SGCZ: variants seen among roughly 807,000 people sequenced by gnomAD.
The protein encoded by SGCZ is sarcoglycan zeta.
SGCZ carries 40 observed loss-of-function variants against 41.3 expected under a neutral mutation model. That is an observed-to-expected ratio of 0.97 (90% CI 0.75 to 1.26). SGCZ has a LOEUF of 1.26. Ranked by LOEUF, SGCZ falls within the 50% of genes most tolerant of loss-of-function variation. The pLI, the probability that SGCZ is intolerant of heterozygous loss-of-function variation, is 0.00. For synonymous variants in SGCZ, 206 were observed against 137.5 expected, an observed-to-expected ratio of 1.50 and a Z score of -3.49; for missense variants, 552 against 369.8, an observed-to-expected ratio of 1.49 and a Z score of -4.04.
At chr8:14,935,632 T>A (rs1800059705) in intron 1 of SGCZ, among the ~76,000 whole-genome samples, 1 of 151,656 alleles carries the variant, frequency 6.6e-6, no homozygotes, top group African/African-American at 2.4e-5. Flanking sequence ...AGATAAAAAG[T>A]CAAAGGCAAT....
chr8:14,859,825 T>C (rs1452708821), intron 1 of SGCZ, among the ~76,000 whole-genome samples: 1 of 152,180 alleles, frequency 6.6e-6, no homozygotes, highest in Non-Finnish European at 1.5e-5. Context: ...AAAGAGATAC[T>C]TTTACTTTTT....
intron 1 of SGCZ, among the ~76,000 whole-genome samples, chr8:14,747,277 G>A (rs924770325): frequency 6.6e-6 from 1 of 152,070 alleles, no homozygotes; most frequent in Non-Finnish European, 1.5e-5. Context: ...CTGTCCCCAG[G>A]ATGTCTAAAC....
intron 4 of SGCZ, among the ~76,000 whole-genome samples, chr8:14,185,040 T>C (rs1804857951): frequency 6.6e-6 from 1 of 152,198 alleles, no homozygotes; most frequent in Non-Finnish European, 1.5e-5. Context: ...TTTCAACCTT[T>C]ATAATACAGC....
intron 1 of SGCZ, among the ~76,000 whole-genome samples, chr8:14,887,305 T>G (rs1295196857): frequency 6.6e-6 from 1 of 152,192 alleles, no homozygotes; most frequent in Non-Finnish European, 1.5e-5. Context: ...ATATATGGAG[T>G]CAGTCAACAT....
At chr8:14,687,254 T>A (rs1808642222) in intron 1 of SGCZ, among the ~76,000 whole-genome samples, 1 of 151,192 alleles carries the variant, frequency 6.6e-6, no homozygotes, top group Non-Finnish European at 1.5e-5. Context: ...GCACGTTAGT[T>A]ACATATGTAT....
At chr8:14,397,719 T>C (rs191788821) in intron 2 of SGCZ, among the ~76,000 whole-genome samples, 2 of 152,208 alleles carry the variant, frequency 1.3e-5, no homozygotes, top group African/African-American at 4.8e-5. Context: ...GTATCTGAGA[T>C]CTGAGGAAAT....
At chr8:15,047,508 A>C (rs990764263) in intron 1 of SGCZ, among the ~76,000 whole-genome samples, 2 of 152,038 alleles carry the variant, frequency 1.3e-5, no homozygotes, top group African/African-American at 4.8e-5. Flanking sequence ...TATGAATTCA[A>C]AGAGATTATG....
intron 5 of SGCZ, among the ~76,000 whole-genome samples, chr8:14,156,988 C>A (rs1004040555): frequency 6.6e-6 from 1 of 152,080 alleles, no homozygotes; most frequent in East Asian, 1.9e-4. Flanking sequence ...CTACAGTATA[C>A]TATAGTAAAT....
intron 1 of SGCZ, among the ~76,000 whole-genome samples, chr8:14,728,503 A>G (rs1325560162): frequency 6.6e-6 from 1 of 152,076 alleles, no homozygotes; most frequent in Non-Finnish European, 1.5e-5. Flanking sequence ...ATGGAAAAAG[A>G]CACGAAAATG....
intron 1 of SGCZ, among the ~76,000 whole-genome samples, chr8:15,006,949 G>A (rs1481474048): frequency 2.0e-5 from 3 of 152,170 alleles, no homozygotes; most frequent in Non-Finnish European, 4.4e-5. Flanking sequence ...GCTGTGCCAT[G>A]CATTTGAAGA....
At chr8:14,525,867 C>G (rs1802932207) in intron 2 of SGCZ, among the ~76,000 whole-genome samples, 1 of 151,950 alleles carries the variant, frequency 6.6e-6, no homozygotes, top group South Asian at 2.1e-4. Context: ...CCTGGGGCAT[C>G]ATTATTCACA....
chr8:14,494,179 T>G (rs1220867810), intron 2 of SGCZ, among the ~76,000 whole-genome samples: 1 of 152,090 alleles, frequency 6.6e-6, no homozygotes, highest in Non-Finnish European at 1.5e-5. Context: ...CACAGAAAAA[T>G]TTGGTGTTTA....
intron 1 of SGCZ, among the ~76,000 whole-genome samples, chr8:14,903,558 GACAA>G (rs1799034504): frequency 1.3e-5 from 2 of 152,152 alleles, no homozygotes; most frequent in East Asian, 1.9e-4. Context: ...ACAGAAAGAT[GACAA>G]ACAGATAAAT....
rs193131102 is a variant in SGCZ at position 14,684,123 on chromosome 8, T to C, written c.40-129197A>G. On this transcript the variant is annotated intron_variant, in intron 1 of 7. Transcript: ENST00000382080. ...TGTACTTTTCCAGTGATTACATCAA[T>C]TAAATTGTTTCAGAGCTTTTTAAAA... Among the ~76,000 whole-genome samples, 1,019 of 152,288 alleles carry C rather than the reference T, an allele frequency of 6.7e-3. 7 individuals are homozygous for C. The highest frequency in any genetic ancestry group is 0.012 in the Non-Finnish European group (790 of 68,012).
chr8:14,409,870 T>C (rs1485404821), intron 2 of SGCZ, among the ~76,000 whole-genome samples: 1 of 152,194 alleles, frequency 6.6e-6, no homozygotes, highest in Non-Finnish European at 1.5e-5. Flanking sequence ...AACAGTTATT[T>C]ATACACATAA....
intron 1 of SGCZ, among the ~76,000 whole-genome samples, chr8:14,897,510 C>T (rs1228126859): frequency 6.6e-6 from 1 of 152,154 alleles, no homozygotes; most frequent in Admixed American, 6.5e-5. Context: ...CCCTTTTCAA[C>T]ATGTCAATGG....
At chr8:14,608,319 G>A (rs920927847) in intron 1 of SGCZ, among the ~76,000 whole-genome samples, 5 of 151,684 alleles carry the variant, frequency 3.3e-5, no homozygotes, top group Non-Finnish European at 7.4e-5. Flanking sequence ...ATTACTTGAG[G>A]CTGGGTAATT....
At chr8:14,374,829 G>A (rs1233423534) in intron 2 of SGCZ, among the ~76,000 whole-genome samples, 3 of 152,134 alleles carry the variant, frequency 2.0e-5, no homozygotes, top group Non-Finnish European at 4.4e-5. Flanking sequence ...AAACATTATG[G>A]AGTCCTGAGG....
intron 1 of SGCZ, among the ~76,000 whole-genome samples, chr8:14,671,686 AT>A (rs1299718759): frequency 6.6e-6 from 1 of 152,158 alleles, no homozygotes; most frequent in Non-Finnish European, 1.5e-5. Flanking sequence ...CAAACCATGC[AT>A]TTTCACTTTT....
Sources: gnomAD v4.1 joint callset for allele counts (sites outside exome capture counted in the v4.1 genomes callset) on GRCh38, gnomAD v4.1.1 for gene constraint, MANE v1.5 for transcripts, NCBI Gene and HGNC (gene_info 2026-07-23, HGNC 2026-07-21) for gene names.